The following LYSMD2 variants were observed in gnomAD, a reference collection of about 807,000 sequenced individuals.
LYSMD2 encodes the protein lysM and putative peptidoglycan-binding domain-containing protein 2.
LYSMD2 carries 6 observed loss-of-function variants against 17.7 expected under a neutral mutation model. The observed-to-expected ratio is 0.34, with a 90% CI of 0.19 to 0.67. LYSMD2 has a LOEUF of 0.67. Among genes scored for constraint, LYSMD2 ranks in the 30% least tolerant of loss-of-function variants. The pLI is 0.69. For missense variants in LYSMD2, 237 were observed against 286.7 expected (o/e 0.83, Z 1.25); for synonymous variants, 102 against 129.8 (o/e 0.79, Z 1.45).
chr15:51,725,243 G>A (rs2055531334), intron 1 of LYSMD2, 122 bp from the exon 2 acceptor site: 1 of 611,200 alleles, frequency 1.6e-6, no homozygotes, highest in East Asian at 3.0e-5. Context: ...CTTGGGATTT[G>A]AGACTCTTCA....
intron 1 of LYSMD2, among the ~76,000 whole-genome samples, chr15:51,729,857 AG>A (rs1457449282): frequency 1.3e-5 from 2 of 152,242 alleles, no homozygotes; most frequent in Admixed American, 1.3e-4. Context: ...ATCCAATCCA[AG>A]GAAGAGCTGG....
chr15:51,751,208 A>G (rs1272032211), intron 1 of LYSMD2: 1 of 699,418 alleles, frequency 1.4e-6, no homozygotes, highest in Non-Finnish European at 2.6e-6. Context: ...CTGCCAACCC[A>G]ACTACTCTCT....
At chr15:51,725,496 C>A (rs1363777537) in intron 1 of LYSMD2, among the ~76,000 whole-genome samples, 1 of 152,004 alleles carries the variant, frequency 6.6e-6, no homozygotes, top group Non-Finnish European at 1.5e-5. Flanking sequence ...CTTACCATTG[C>A]TGCTGTTTTA....
At chr15:51,738,183 T>A (rs2055625497), upstream of LYSMD2, 1 of 115,904 alleles carries the variant, frequency 8.6e-6, no homozygotes, top group South Asian at 3.1e-4. Flanking sequence ...CAGTAAAACT[T>A]AAGATCATCA....
At chr15:51,736,226 T>C (rs1437735903) in intron 1 of LYSMD2, among the ~76,000 whole-genome samples, 5 of 152,218 alleles carry the variant, frequency 3.3e-5, no homozygotes, top group African/African-American at 1.2e-4. Context: ...CTACTGGTAT[T>C]TCCCAACTTC....
intron 1 of LYSMD2, among the ~76,000 whole-genome samples, chr15:51,735,728 T>C (rs1248107454): frequency 6.6e-6 from 1 of 152,234 alleles, no homozygotes; most frequent in African/African-American, 2.4e-5. Flanking sequence ...TGATCAAAGG[T>C]GGAAAACTGC....
intron 1 of LYSMD2, among the ~76,000 whole-genome samples, chr15:51,733,431 G>C (rs1382923268): frequency 6.6e-6 from 1 of 151,482 alleles, no homozygotes; most frequent in Non-Finnish European, 1.5e-5. Flanking sequence ...TAGCTCTGAG[G>C]GAAAGAAAAA....
intron 1 of LYSMD2, among the ~76,000 whole-genome samples, chr15:51,743,180 T>C (rs1366746867): frequency 6.6e-6 from 1 of 152,208 alleles, no homozygotes; most frequent in Non-Finnish European, 1.5e-5. Flanking sequence ...CTCACTATAT[T>C]GCCCAGTCTG....
chr15:51,746,529 A>T (rs1375665539), intron 1 of LYSMD2, among the ~76,000 whole-genome samples: 1 of 152,212 alleles, frequency 6.6e-6, no homozygotes, highest in Non-Finnish European at 1.5e-5. Context: ...GTTATAATAG[A>T]TTGGGAGATA....
chr15:51,732,386 T>C (rs1208239397), intron 1 of LYSMD2, among the ~76,000 whole-genome samples: 1 of 152,198 alleles, frequency 6.6e-6, no homozygotes, highest in Non-Finnish European at 1.5e-5. Flanking sequence ...CTCTGGCTTC[T>C]CAAGTAGCTA....
chr15:51,747,827 T>C (rs562564309), intron 1 of LYSMD2, among the ~76,000 whole-genome samples: 5 of 152,242 alleles, frequency 3.3e-5, no homozygotes, highest in Non-Finnish European at 7.3e-5. Flanking sequence ...TCAATTATAC[T>C]ACACATACGA....
intron 1 of LYSMD2, among the ~76,000 whole-genome samples, chr15:51,750,726 T>C (rs2055694724): frequency 6.6e-6 from 1 of 152,156 alleles, no homozygotes; most frequent in South Asian, 2.1e-4. Context: ...CACCCCACTC[T>C]GCTGTCATGC....
chr15:51,725,486 C>CT (rs2055533158), intron 1 of LYSMD2, among the ~76,000 whole-genome samples: 1 of 152,022 alleles, frequency 6.6e-6, no homozygotes, highest in African/African-American at 2.4e-5. Context: ...TTTTTTTAAA[C>CT]TTACCATTGC....
In LYSMD2 at chr15:51,737,063, G is replaced by A. The variant is rs1383063954; in HGVS notation, c.273+287C>T. Among the ~76,000 whole-genome samples the A allele has an allele frequency of 6.6e-6, 1 of 152,224 alleles. No homozygotes were observed. The highest frequency in any genetic ancestry group is 1.5e-5 in the Non-Finnish European group (1 of 68,018). On this transcript the variant is annotated intron_variant, in intron 1 of 2. Transcript: ENST00000267838. This position sits in a 1 kb window ranked among gnomAD's most constrained non-coding sequence, Gnocchi z 4.2. ...CTCCCTCACGCGACAGATCTAGTCT[G>A]AGCCTGGGCGGGGCACCGGGAACTC...
At position 51,737,207 on chromosome 15, in the gene LYSMD2, C is replaced by T. The variant is rs865875815; in HGVS notation, c.273+143G>A. 2.4e-6 allele frequency: 2 copies of T among 849,580 alleles called. No homozygotes were observed. The highest frequency in any genetic ancestry group is 1.8e-5 in the African/African-American group (1 of 56,388). 52.6% of individuals were successfully genotyped at this position (849,580 alleles called of 1,614,324 possible). On this transcript the variant is annotated intron_variant, in intron 1 of 2. Coordinates refer to ENST00000267838, the MANE Select transcript of LYSMD2 (RefSeq NM_153374.3). The surrounding 1 kb of genome is among the most constrained non-coding windows in gnomAD (Gnocchi z 4.2). ...GAGCGAGCCCTGGGAGCCGAGCCGC[C>T]CGGGGACGCACGGCCGTCCCTGCGA...
rs1229083933 is a variant in LYSMD2 at position 51,737,581 on chromosome 15, G to A, written c.42C>T (p.Gly14=). The A allele has an allele frequency of 2.5e-6, 3 of 1,218,028 alleles. No individual in the cohort carries two copies. The highest frequency in any genetic ancestry group is 3.2e-5 in the African/African-American group (2 of 63,410). The allele number at this position is 1,218,028 out of a possible 1,614,324, so 75.5% of individuals were successfully genotyped here. Residue 14 remains glycine, a synonymous_variant, in exon 1 of 3, where the codon GGC becomes GGT. Transcript: ENST00000267838. The surrounding 1 kb of genome is among the most constrained non-coding windows in gnomAD (Gnocchi z 4.2). ...SSPALSLREG[G]PRAPRPSAPS... ...GGGCCGAGGGCCGCGGCGCGCGGGG[G>A]CCGCCTTCCCGCAGGGACAGTGCGG...
intron 1 of LYSMD2, among the ~76,000 whole-genome samples, chr15:51,748,862 G>T (rs564873872): frequency 1.1e-4 from 16 of 152,356 alleles, no homozygotes; most frequent in Admixed American, 9.8e-4. Flanking sequence ...AGGGTGGACT[G>T]AATGTTTAAT....
chr15:51,740,799 T>A (rs1277675773), upstream of LYSMD2, among the ~76,000 whole-genome samples: 2 of 151,072 alleles, frequency 1.3e-5, no homozygotes, highest in East Asian at 1.9e-4. Context: ...GAAAAAAAAA[T>A]TTAAGGTAAT....
chr15:51,732,929 G>T (rs1162671008), intron 1 of LYSMD2, among the ~76,000 whole-genome samples: 1 of 152,196 alleles, frequency 6.6e-6, no homozygotes, highest in African/African-American at 2.4e-5. Flanking sequence ...TAAAGCAGCA[G>T]CCAGAGTGAT....
Sources: gnomAD v4.1 joint callset for allele counts (sites outside exome capture counted in the v4.1 genomes callset) on GRCh38, gnomAD v4.1.1 for gene constraint, Gnocchi (gnomAD v3.1) non-coding constraint, MANE v1.5 for transcripts, NCBI Gene and HGNC (gene_info 2026-07-23, HGNC 2026-07-21) for gene names.